ROBO2: variants seen among roughly 807,000 people sequenced by gnomAD.
ROBO2 encodes the protein roundabout homolog 2.
Under a neutral mutation model 160.8 loss-of-function variants are expected in ROBO2, and 53 were observed. The ratio of observed to expected loss-of-function variants is 0.33; its 90% CI spans 0.26 to 0.41. The LOEUF (loss-of-function observed/expected upper bound fraction) is 0.41. ROBO2 is among the 10% of genes least tolerant of loss of function. ROBO2 has a pLI of 1.00. For missense variants in ROBO2, 1,577 were observed against 1,722.4 expected, an observed-to-expected ratio of 0.92 and a Z score of 1.49; for synonymous variants, 664 against 611.7, an observed-to-expected ratio of 1.09 and a Z score of -1.26.
intron 2 of ROBO2, among the ~76,000 whole-genome samples, chr3:77,133,993 A>G (rs2076073408): frequency 6.6e-6 from 1 of 152,208 alleles, no homozygotes; most frequent in Non-Finnish European, 1.5e-5. Context: ...TCTAACCAAC[A>G]TGGAGAAATC....
chr3:76,645,916 T>C (rs2090945082), intron 2 of ROBO2, among the ~76,000 whole-genome samples: 1 of 152,188 alleles, frequency 6.6e-6, no homozygotes, highest in African/African-American at 2.4e-5. Flanking sequence ...GTCCATTGTA[T>C]AGAGAAGAAA....
At chr3:77,557,923 G>A (rs1361788173) in intron 8 of ROBO2, 21 bp from the exon 10 acceptor site, 3 of 1,583,888 alleles carry the variant, frequency 1.9e-6, no homozygotes, top group Non-Finnish European at 2.6e-6. Context: ...TAAAATACCT[G>A]AAAAGAGCTT....
chr3:76,746,188 A>G (rs1034955701), intron 2 of ROBO2, among the ~76,000 whole-genome samples: 1 of 152,002 alleles, frequency 6.6e-6, no homozygotes, highest in Non-Finnish European at 1.5e-5. Context: ...GCTGCATAGT[A>G]TTCCATGCTG....
chr3:77,373,145 T>A (rs1297388786), intron 2 of ROBO2, among the ~76,000 whole-genome samples: 1 of 147,088 alleles, frequency 6.8e-6, no homozygotes, highest in African/African-American at 2.5e-5. Context: ...ATTATAAAAA[T>A]TATTATAAAA....
At chr3:76,271,805 A>C (rs1322488774) in intron 2 of ROBO2, among the ~76,000 whole-genome samples, 1 of 151,912 alleles carries the variant, frequency 6.6e-6, no homozygotes, top group Non-Finnish European at 1.5e-5. Context: ...CATGAAGATG[A>C]ACTAACTCAT....
intron 2 of ROBO2, among the ~76,000 whole-genome samples, chr3:77,422,333 A>G (rs1318355617): frequency 1.3e-5 from 2 of 152,188 alleles, no homozygotes; most frequent in Non-Finnish European, 2.9e-5. Context: ...AGAAATGGAC[A>G]TGAAGGCTAA....
chr3:77,310,345 C>T (rs2063441106), intron 2 of ROBO2, among the ~76,000 whole-genome samples: 1 of 152,084 alleles, frequency 6.6e-6, no homozygotes, highest in Non-Finnish European at 1.5e-5. Flanking sequence ...AATTGAGAAC[C>T]TATGAGAAAT....
exon 21 of ROBO2, chr3:77,607,863 A>G (rs2094555246): frequency 1.2e-6 from 2 of 1,613,988 alleles, no homozygotes; most frequent in Non-Finnish European, 1.7e-6. Context: ...CAATGGATCC[A>G]CTTGGGCCAA....
At chr3:77,038,387 G>A (rs765297060), upstream of ROBO2, among the ~76,000 whole-genome samples, 1 of 152,102 alleles carries the variant, frequency 6.6e-6, no homozygotes, top group Non-Finnish European at 1.5e-5. Context: ...TTTCAAGCAT[G>A]CCGAGGTGTC....
intron 2 of ROBO2, among the ~76,000 whole-genome samples, chr3:76,241,311 A>T (rs768836658): frequency 1.3e-5 from 2 of 152,246 alleles, no homozygotes; most frequent in Non-Finnish European, 2.9e-5. Context: ...ACAAAGAAAG[A>T]CTAAGAAGTT....
In ROBO2 at chr3:76,887,650, T is replaced by C. The variant is rs148568866; in HGVS notation, c.110-210364T>C. Among the ~76,000 whole-genome samples the C allele has an allele frequency of 2.0e-3, 297 of 152,262 alleles. 1 individual carries two copies. The highest frequency in any genetic ancestry group is 6.9e-3 in the African/African-American group (287 of 41,540). ...AACATAGTTCTCTCAAAAATATTTT[T>C]CTGAGATTCTCTGACAATTAAATCT... On this transcript the variant is annotated intron_variant, in intron 2 of 26. Coordinates refer to the ROBO2 transcript ENST00000487694.
At chr3:76,650,525 A>G (rs973806209) in intron 2 of ROBO2, among the ~76,000 whole-genome samples, 5 of 150,238 alleles carry the variant, frequency 3.3e-5, no homozygotes, top group African/African-American at 9.8e-5. Flanking sequence ...GTGAGGGAAA[A>G]TGTTTCTATT....
intron 2 of ROBO2, among the ~76,000 whole-genome samples, chr3:76,031,851 C>T (rs1229943125): frequency 3.3e-5 from 5 of 151,914 alleles, no homozygotes; most frequent in Admixed American, 6.6e-5. Context: ...TTCTGCCAGG[C>T]TTTGGTATCA....
At chr3:76,671,741 C>T (rs78000380) in intron 2 of ROBO2, among the ~76,000 whole-genome samples, 1 of 151,892 alleles carries the variant, frequency 6.6e-6, no homozygotes, top group Non-Finnish European at 1.5e-5. Context: ...TTAAAATAAT[C>T]TATAATCAGT....
chr3:76,940,519 T>C (rs914580073), intron 2 of ROBO2, among the ~76,000 whole-genome samples: 1 of 152,228 alleles, frequency 6.6e-6, no homozygotes, highest in Non-Finnish European at 1.5e-5. Flanking sequence ...CAAAAGTGCT[T>C]TTTAAAATTG....
At chr3:76,804,641 G>A (rs146260740) in intron 2 of ROBO2, among the ~76,000 whole-genome samples, 15 of 152,240 alleles carry the variant, frequency 9.9e-5, no homozygotes, top group Admixed American at 2.0e-4. Flanking sequence ...TATTAGCTTC[G>A]CAAACACTAG....
intron 2 of ROBO2, among the ~76,000 whole-genome samples, chr3:76,218,410 A>G (rs1040030687): frequency 1.3e-5 from 2 of 152,164 alleles, no homozygotes; most frequent in Non-Finnish European, 2.9e-5. Context: ...ATATCTAGAA[A>G]ACCCCATTGT....
intron 2 of ROBO2, among the ~76,000 whole-genome samples, chr3:76,213,864 A>G (rs918936598): frequency 1.3e-5 from 2 of 152,084 alleles, no homozygotes; most frequent in Non-Finnish European, 2.9e-5. Flanking sequence ...TGCCACCTGA[A>G]TTTATCAAGG....
At chr3:77,364,731 A>G (rs2070580355) in intron 2 of ROBO2, among the ~76,000 whole-genome samples, 1 of 152,178 alleles carries the variant, frequency 6.6e-6, no homozygotes, top group Admixed American at 6.6e-5. Context: ...TAATTAGATA[A>G]TACTTTTAAC....
Sources: gnomAD v4.1 joint callset for allele counts (sites outside exome capture counted in the v4.1 genomes callset) on GRCh38, gnomAD v4.1.1 for gene constraint, MANE v1.5 for transcripts, NCBI Gene and HGNC (gene_info 2026-07-23, HGNC 2026-07-21) for gene names.